TPTE: variants seen among roughly 807,000 people sequenced by gnomAD.
TPTE encodes the protein putative tyrosine-protein phosphatase TPTE.
TPTE carries 59 observed loss-of-function variants against 84.1 expected under a neutral mutation model. That is an observed-to-expected ratio of 0.70 (90% CI 0.57 to 0.87). TPTE has a LOEUF of 0.87. Among genes scored for constraint, TPTE ranks in the 40% least tolerant of loss-of-function variants. TPTE has a pLI of 0.00. For missense variants in TPTE, 382 were observed against 659.6 expected (o/e 0.58, Z 4.61); for synonymous variants, 130 against 223.5 (o/e 0.58, Z 3.73).
chr21:10,602,328 G>GT (rs530894659), intron 22 of TPTE, among the ~76,000 whole-genome samples, 178 bp downstream of exon 22: 1 of 152,264 alleles, frequency 6.6e-6, no homozygotes, highest in African/African-American at 2.4e-5. Flanking sequence ...TTGTTCATTT[G>GT]TTTTTTTCTA....
rs757712418 is a variant in TPTE, at chr21:10,592,287, T to C, written c.1090-6T>C. 1 of 1,613,198 alleles carries C rather than the reference T, an allele frequency of 6.2e-7. No individual in the cohort carries two copies. The highest frequency in any genetic ancestry group is 8.5e-7 in the Non-Finnish European group (1 of 1,179,220). On this transcript the variant is annotated splice_polypyrimidine_tract_variant and splice_region_variant and intron_variant, in intron 18 of 23. Coordinates refer to ENST00000618007, the MANE Select transcript of TPTE (RefSeq NM_199261.4). Reference sequence around the variant, plus strand: ...AACCATGGTTGGATTGTACCCTTTTTTGTAGGAAAGCCTGTATTATTTTGG... The same window carrying C: ...AACCATGGTTGGATTGTACCCTTTTCTGTAGGAAAGCCTGTATTATTTTGG...
intron 4 of TPTE, among the ~76,000 whole-genome samples, chr21:10,538,964 A>G (rs2074318083): frequency 6.6e-6 from 1 of 152,308 alleles, no homozygotes. Context: ...CTGCGTGGCC[A>G]TAGAGAGTGG....
intron 4 of TPTE, among the ~76,000 whole-genome samples, chr21:10,539,286 A>G (rs1180445957): frequency 2.0e-5 from 3 of 152,310 alleles, no homozygotes; most frequent in African/African-American, 7.2e-5. Context: ...CTTGTCCCTC[A>G]CACTCCAGAG....
chr21:10,577,688 AG>A (rs1383795998), intron 15 of TPTE, among the ~76,000 whole-genome samples, 168 bp downstream of exon 15: 1 of 152,312 alleles, frequency 6.6e-6, no homozygotes, highest in African/African-American at 2.4e-5. Flanking sequence ...AGAAGGAGTT[AG>A]CCCAGCAGCA....
intron 3 of TPTE, among the ~76,000 whole-genome samples, chr21:10,528,084 CAT>C (rs1177500247): frequency 6.6e-6 from 1 of 152,298 alleles, no homozygotes; most frequent in Non-Finnish European, 1.5e-5. Context: ...ATTACCAACA[CAT>C]AGAGACTTCT....
chr21:10,523,679 T>G (rs1333517799), intron 1 of TPTE, among the ~76,000 whole-genome samples: 1 of 152,302 alleles, frequency 6.6e-6, no homozygotes, highest in African/African-American at 2.4e-5. Context: ...TGCCACATTT[T>G]CTTAATCCAG....
intron 17 of TPTE, among the ~76,000 whole-genome samples, chr21:10,581,848 C>G (rs2075276748): frequency 1.3e-5 from 2 of 152,428 alleles, no homozygotes; most frequent in South Asian, 4.1e-4. Context: ...ATCCTCCCAT[C>G]TCAGCCCCTC....
At chr21:10,564,927 C>T (rs1328013218) in intron 10 of TPTE, among the ~76,000 whole-genome samples, 2 of 152,310 alleles carry the variant, frequency 1.3e-5, no homozygotes, top group African/African-American at 2.4e-5. Flanking sequence ...AAGCTTTTCT[C>T]TGCGATCTAG....
intron 9 of TPTE, among the ~76,000 whole-genome samples, chr21:10,560,122 G>A (rs12015203): frequency 9.8e-5 from 15 of 152,414 alleles, no homozygotes; most frequent in African/African-American, 3.6e-4. Context: ...AAGATTAATT[G>A]TAATATATTA....
chr21:10,533,518 G>A (rs1221200531), intron 3 of TPTE, among the ~76,000 whole-genome samples: 1 of 152,308 alleles, frequency 6.6e-6, no homozygotes, highest in East Asian at 1.9e-4. Context: ...ATTTTTTGTG[G>A]CTATTGGCTA....
chr21:10,541,954 C>T (rs1246296575), intron 5 of TPTE, among the ~76,000 whole-genome samples: 5 of 152,310 alleles, frequency 3.3e-5, no homozygotes, highest in African/African-American at 4.8e-5. Context: ...TGGATTGTGC[C>T]CCTGTGTCAG....
At position 10,569,844 on chromosome 21, in the gene TPTE, T is replaced by A. The variant is rs563545069; in HGVS notation, c.730+98T>A. On this transcript the variant is annotated intron_variant, in intron 13 of 23. Transcript: ENST00000618007. Reference sequence around the variant, plus strand: ...ATCTAAGACACATTCATTCAAAATATTCTTTATTCATGAGGATATATGCTA... The same window carrying A: ...ATCTAAGACACATTCATTCAAAATAATCTTTATTCATGAGGATATATGCTA... The A allele has an allele frequency of 9.3e-6, 15 of 1,611,194 alleles. No homozygotes were observed. In the South Asian group the frequency reaches 1.3e-4, roughly 14 times the overall value.
At chr21:10,524,470 C>G (rs1434985845) in intron 1 of TPTE, 110 bp from the exon 2 acceptor site, 1 of 152,606 alleles carries the variant, frequency 6.6e-6, no homozygotes, top group African/African-American at 2.4e-5. Context: ...TTTGATTTAA[C>G]AAGCTTGGTT....
At chr21:10,572,690 T>C (rs1378584818) in intron 14 of TPTE, among the ~76,000 whole-genome samples, 1 of 152,310 alleles carries the variant, frequency 6.6e-6, no homozygotes, top group South Asian at 2.1e-4. Flanking sequence ...ATAAAGTATT[T>C]CCTAGACAAG....
intron 19 of TPTE, among the ~76,000 whole-genome samples, chr21:10,592,805 G>GGGGTGTGTGTGTGTGTGT (rs1491431893): frequency 6.7e-6 from 1 of 148,852 alleles, no homozygotes; most frequent in African/African-American, 2.5e-5. Context: ...GATGACTCCT[G>GGGGTGTGTGTGTGTGTGT]GTGTGTGTGT....
intron 4 of TPTE, among the ~76,000 whole-genome samples, chr21:10,539,802 T>A (rs1301995656): frequency 1.3e-5 from 2 of 152,302 alleles, no homozygotes; most frequent in East Asian, 3.8e-4. Flanking sequence ...ACGAGATCAG[T>A]AGTTCAAGGC....
chr21:10,553,259 C>G (rs2074615600), intron 8 of TPTE, among the ~76,000 whole-genome samples: 1 of 152,298 alleles, frequency 6.6e-6, no homozygotes, highest in African/African-American at 2.4e-5. Flanking sequence ...ACAATACATT[C>G]TTAAACTGGC....
At chr21:10,534,812 A>G (rs2074239627) in intron 3 of TPTE, among the ~76,000 whole-genome samples, 1 of 152,308 alleles carries the variant, frequency 6.6e-6, no homozygotes, top group Non-Finnish European at 1.5e-5. Flanking sequence ...CAAGATAAGT[A>G]GATCACAAGA....
intron 6 of TPTE, among the ~76,000 whole-genome samples, chr21:10,542,876 C>G (rs2074396371): frequency 6.6e-6 from 1 of 152,304 alleles, no homozygotes; most frequent in Admixed American, 6.5e-5. Context: ...AATGTATTTG[C>G]CACCCTTAGT....
Sources: gnomAD v4.1 joint callset for allele counts (sites outside exome capture counted in the v4.1 genomes callset) on GRCh38, gnomAD v4.1.1 for gene constraint, MANE v1.5 for transcripts, NCBI Gene and HGNC (gene_info 2026-07-23, HGNC 2026-07-21) for gene names.